Variants in ERO1B observed in about 807,000 individuals in gnomAD.
ERO1B encodes endoplasmic reticulum oxidoreductase 1 beta.
In ERO1B, 49 loss-of-function variants were observed where a neutral mutation model predicts 75.3. The observed-to-expected ratio is 0.65, with a 90% CI of 0.52 to 0.83. The LOEUF is 0.83. Ranked by LOEUF, ERO1B falls within the 40% of genes least tolerant of loss-of-function variation. The pLI is 0.00. For missense variants in ERO1B, 512 were observed against 560.1 expected, an observed-to-expected ratio of 0.91 and a Z score of 0.87; for synonymous variants, 191 against 192.9, an observed-to-expected ratio of 0.99 and a Z score of 0.08.
chr1:236,240,160 C>T (rs1664664052), intron 6 of ERO1B, among the ~76,000 whole-genome samples: 1 of 152,028 alleles, frequency 6.6e-6, no homozygotes, highest in African/African-American at 2.4e-5. Flanking sequence ...CTGCCTCAGC[C>T]TCCCAAAGTG....
At chr1:236,262,329 C>T (rs1244912087) in intron 2 of ERO1B, among the ~76,000 whole-genome samples, 5 of 152,144 alleles carry the variant, frequency 3.3e-5, no homozygotes, top group Non-Finnish European at 7.4e-5. Context: ...TACAAAAATG[C>T]TCTTCCCCAG....
intron 6 of ERO1B, among the ~76,000 whole-genome samples, chr1:236,239,877 A>T (rs11578470): frequency 1.0e-5 from 1 of 96,030 alleles, no homozygotes; most frequent in Non-Finnish European, 2.0e-5. Context: ...ATATGTGTAT[A>T]TGTGTGTGTG....
Position 236,225,152 on chromosome 1 carries a change from T to C in ERO1B, c.1053-13A>G, listed in dbSNP as rs745999835. ...CATGGGAAAGGACCTGATAAAATGATAGTATTGGATTAAGTTACACATGAA... is the reference window on the plus strand; with the variant it reads ...CATGGGAAAGGACCTGATAAAATGACAGTATTGGATTAAGTTACACATGAA... On this transcript the variant is annotated splice_polypyrimidine_tract_variant and intron_variant, in intron 12 of 15. Transcript: ENST00000354619. 3.1e-6 allele frequency: 5 copies of C among 1,613,182 alleles called. No homozygotes were observed. The highest frequency in any genetic ancestry group is 1.1e-5 in the South Asian group (1 of 91,058).
chr1:236,275,566 T>C (rs138785085), intron 1 of ERO1B, among the ~76,000 whole-genome samples: 80 of 152,168 alleles, frequency 5.3e-4, no homozygotes, highest in African/African-American at 1.8e-3. Flanking sequence ...TGTTCAAGAG[T>C]TCTTACGGAG....
chr1:236,241,474 G>C (rs754209512), intron 6 of ERO1B, among the ~76,000 whole-genome samples: 17 of 151,964 alleles, frequency 1.1e-4, no homozygotes, highest in Non-Finnish European at 2.1e-4. Flanking sequence ...GAACCTAGGA[G>C]ACAGGTTGCA....
At chr1:236,225,543 G>A (rs1264791595) in intron 12 of ERO1B, among the ~76,000 whole-genome samples, 1 of 152,110 alleles carries the variant, frequency 6.6e-6, no homozygotes, top group Non-Finnish European at 1.5e-5. Context: ...TTGACCAAGC[G>A]TTTTGTTTAA....
Position 236,274,516 on chromosome 1 carries a change from CTATTA to C in ERO1B, c.103-4527_103-4523del, listed in dbSNP as rs200918315. 3.3e-3 allele frequency among the ~76,000 whole-genome samples: 506 copies of C among 152,240 alleles called. 3 individuals are homozygous for C. Among genetic ancestry groups the C allele is most frequent in the African/African-American group, 0.011 (456 of 41,536 alleles). On this transcript the variant is annotated intron_variant, in intron 1 of 15. Coordinates refer to ENST00000354619, the MANE Select transcript of ERO1B (RefSeq NM_019891.4). ...AAATCAATACTGCTTCTTCCCTATT[CTATTA>C]TATTCTTTTAGAACTCCAATTAGAT...
chr1:236,238,378 A>G (rs1228690746), intron 6 of ERO1B, among the ~76,000 whole-genome samples: 2 of 152,116 alleles, frequency 1.3e-5, no homozygotes, highest in African/African-American at 4.8e-5. Context: ...ATGAAGTATA[A>G]GTATGGCTTT....
At chr1:236,245,423 TAC>T (rs1379414893) in intron 5 of ERO1B, among the ~76,000 whole-genome samples, 2 of 43,550 alleles carry the variant, frequency 4.6e-5, no homozygotes, top group African/African-American at 1.7e-4. Context: ...CGTATATATA[TAC>T]GTATATATAT....
At chr1:236,244,871 T>A (rs1380218694) in intron 5 of ERO1B, among the ~76,000 whole-genome samples, 1 of 152,202 alleles carries the variant, frequency 6.6e-6, no homozygotes, top group Non-Finnish European at 1.5e-5. Context: ...TGAGAATTTC[T>A]TGGACTTAAC....
At chr1:236,225,267 G>A (rs1364636115) in intron 12 of ERO1B, 128 bp from the exon 13 acceptor site, 3 of 870,384 alleles carry the variant, frequency 3.4e-6, no homozygotes, top group Non-Finnish European at 5.3e-6. Context: ...GTAAGTTTTG[G>A]TAATGTAGAA....
intron 14 of ERO1B, among the ~76,000 whole-genome samples, chr1:236,221,258 T>C (rs1330597709): frequency 4.6e-5 from 7 of 152,186 alleles, no homozygotes; most frequent in Admixed American, 4.6e-4. Flanking sequence ...GATTACAATG[T>C]TCAATTTGTA....
intron 5 of ERO1B, among the ~76,000 whole-genome samples, chr1:236,249,391 T>G (rs1337382100): frequency 6.6e-6 from 1 of 152,236 alleles, no homozygotes; most frequent in Non-Finnish European, 1.5e-5. Context: ...TCCCAACTAC[T>G]GATTATGTCT....
chr1:236,264,768 C>A (rs1665379860), intron 2 of ERO1B, among the ~76,000 whole-genome samples: 1 of 152,034 alleles, frequency 6.6e-6, no homozygotes, highest in African/African-American at 2.4e-5. Context: ...TCACTTGAAC[C>A]CAGGAGGTGG....
chr1:236,225,260 A>G, intron 12 of ERO1B, 121 bp from the exon 13 acceptor site: 1 of 920,728 alleles, frequency 1.1e-6, no homozygotes, highest in Non-Finnish European at 1.7e-6. Context: ...CTCCGATGTA[A>G]GTTTTGGTAA....
intron 6 of ERO1B, among the ~76,000 whole-genome samples, chr1:236,239,877 A>ATG (rs202156601): frequency 0.02 from 1,924 of 95,822 alleles, 73 homozygotes; most frequent in East Asian, 0.13. Flanking sequence ...ATATGTGTAT[A>ATG]TGTGTGTGTG....
intron 2 of ERO1B, among the ~76,000 whole-genome samples, chr1:236,258,782 G>A (rs1170747334): frequency 1.3e-5 from 2 of 152,146 alleles, no homozygotes; most frequent in Admixed American, 6.5e-5. Flanking sequence ...CCAGCTACTC[G>A]GGAAGCCGAG....
At chr1:236,253,782 T>C (rs1307462279) in intron 2 of ERO1B, among the ~76,000 whole-genome samples, 1 of 152,248 alleles carries the variant, frequency 6.6e-6, no homozygotes, top group Non-Finnish European at 1.5e-5. Context: ...TGCACCCATT[T>C]ATTCAACAAA....
intron 9 of ERO1B, among the ~76,000 whole-genome samples, chr1:236,230,644 C>T (rs1335993854): frequency 5.0e-5 from 7 of 141,050 alleles, no homozygotes; most frequent in Non-Finnish European, 1.1e-4. Flanking sequence ...AAAATTATGA[C>T]AGATTAAGTA....
Sources: gnomAD v4.1 joint callset for allele counts (sites outside exome capture counted in the v4.1 genomes callset) on GRCh38, gnomAD v4.1.1 for gene constraint, MANE v1.5 for transcripts, NCBI Gene and HGNC (gene_info 2026-07-23, HGNC 2026-07-21) for gene names.